Variants in CHAF1A observed in about 807,000 individuals in gnomAD.
CHAF1A encodes the protein chromatin assembly factor 1 subunit A, also known as CAF-1 subunit A.
Under a neutral mutation model 93.2 loss-of-function variants are expected in CHAF1A, and 5 were observed. That is an observed-to-expected ratio of 0.05 (90% confidence interval 0.03 to 0.11). The LOEUF (loss-of-function observed/expected upper bound fraction) is 0.11. CHAF1A is among the 10% of genes least tolerant of loss of function. CHAF1A has a pLI of 1.00. For missense variants in CHAF1A, 1,102 were observed against 1,259.9 expected, an observed-to-expected ratio of 0.87 and a Z score of 1.90; for synonymous variants, 504 against 510.3, an observed-to-expected ratio of 0.99 and a Z score of 0.17.
intron 3 of CHAF1A, among the ~76,000 whole-genome samples, 200 bp from the exon 4 acceptor site, chr19:4,417,820 T>G (rs1973921785): frequency 6.6e-6 from 1 of 152,188 alleles, no homozygotes; most frequent in South Asian, 2.1e-4. Context: ...TGTCCTTCAC[T>G]CATTTCTTTA....
chr19:4,430,420 C>A (rs1159740216), intron 10 of CHAF1A, 129 bp from the exon 11 acceptor site: 1 of 611,220 alleles, frequency 1.6e-6, no homozygotes, highest in Non-Finnish European at 3.0e-6. Flanking sequence ...TCAGATGATC[C>A]GCCCACCTCA....
At chr19:4,418,718 C>T (rs1399208743) in intron 4 of CHAF1A, among the ~76,000 whole-genome samples, 1 of 152,030 alleles carries the variant, frequency 6.6e-6, no homozygotes, top group Non-Finnish European at 1.5e-5. Context: ...CCTGGCCAGT[C>T]CTGTGTCTTT....
intron 2 of CHAF1A, among the ~76,000 whole-genome samples, chr19:4,407,239 A>AC (rs367659429): frequency 3.6e-5 from 4 of 111,646 alleles, no homozygotes; most frequent in Non-Finnish European, 5.8e-5. Context: ...CTCCCCCCAC[A>AC]CCCCCCCCAA....
intron 13 of CHAF1A, among the ~76,000 whole-genome samples, chr19:4,436,997 A>G (rs1974295757): frequency 6.6e-6 from 1 of 152,190 alleles, no homozygotes; most frequent in Admixed American, 6.5e-5. Flanking sequence ...TGGGTCAGAG[A>G]GGTTGGGTGG....
intron 4 of CHAF1A, among the ~76,000 whole-genome samples, chr19:4,420,024 C>T (rs778098970): frequency 6.6e-6 from 1 of 152,180 alleles, no homozygotes; most frequent in Non-Finnish European, 1.5e-5. Context: ...AGGAAATGCA[C>T]ATCAGACATC....
chr19:4,447,000 G>A (rs535216693), downstream of CHAF1A: 136 of 1,384,926 alleles, frequency 9.8e-5, no homozygotes, highest in Middle Eastern at 3.6e-4. Flanking sequence ...CCAGGGGCCC[G>A]GCTCTCGCTA....
At chr19:4,447,194 G>T, downstream of CHAF1A, 1 of 583,542 alleles carries the variant, frequency 1.7e-6, no homozygotes. Context: ...CTGATGCGAG[G>T]CTAACACCGC....
chr19:4,447,571 C>T (rs1974562117), downstream of CHAF1A: 1 of 1,613,682 alleles, frequency 6.2e-7, no homozygotes, highest in Admixed American at 1.7e-5. Flanking sequence ...TGTTCTGCAG[C>T]TTGATCTTCC....
chr19:4,445,265 T>A (rs1208380029), downstream of CHAF1A: 5 of 575,994 alleles, frequency 8.7e-6, no homozygotes, highest in South Asian at 1.0e-4. Context: ...CTTAGATTTG[T>A]TGGTGTCCCC....
Position 4,427,136 on chromosome 19 carries a change from CTTTTTTTTTTTTTTTTTTT to C in CHAF1A, c.1378-1515_1378-1497del, listed in dbSNP as rs747750687. Among the ~76,000 whole-genome samples the C allele has an allele frequency of 3.3e-3, 105 of 31,952 alleles. 5 individuals are homozygous for C. In the South Asian group the frequency reaches 0.18, roughly 54 times the overall value. The allele number at this position is 31,952 out of a possible 152,430, so 21.0% of individuals were successfully genotyped here. A position where few individuals can be genotyped will look rare whatever the true frequency, so the allele number is the denominator to read the frequency against. ...GTGATCTTTCAAAAAAAGACCCTGT[CTTTTTTTTTTTTTTTTTTT>C]TTTTTTTTTTTTGAGAAGGAGTCTT... On this transcript the variant is annotated intron_variant, in intron 7 of 14. Transcript: ENST00000301280.
intron 11 of CHAF1A, among the ~76,000 whole-genome samples, chr19:4,431,342 T>A (rs1974179544): frequency 6.6e-6 from 1 of 152,014 alleles, no homozygotes; most frequent in African/African-American, 2.4e-5. Context: ...TTGGCCAGGC[T>A]GGTCTTGAAC....
chr19:4,419,618 A>G (rs1161682959), intron 4 of CHAF1A, among the ~76,000 whole-genome samples: 2 of 151,528 alleles, frequency 1.3e-5, no homozygotes, highest in African/African-American at 2.4e-5. Flanking sequence ...TTTAGTAGAG[A>G]CAGGGTTTCG....
intron 13 of CHAF1A, among the ~76,000 whole-genome samples, chr19:4,438,050 G>A (rs1490660699): frequency 2.0e-5 from 3 of 151,942 alleles, no homozygotes; most frequent in Non-Finnish European, 4.4e-5. Flanking sequence ...ATCTTTTCTT[G>A]TTGTTAAATT....
At chr19:4,445,609 GAGGGCAGAGGGCACCTGCGGT>G, downstream of CHAF1A, 1 of 1,613,278 alleles carries the variant, frequency 6.2e-7, no homozygotes, top group African/African-American at 1.3e-5. Context: ...AGAAGGTCAG[GAGGGCAGAGGGCACCTGCGGT>G]AGGGGTAGGC....
At chr19:4,427,136 C>CTTTTTTTTTTTTTTT (rs747750687) in intron 7 of CHAF1A, among the ~76,000 whole-genome samples, 348 of 31,946 alleles carry the variant, frequency 0.011, 62 homozygotes, top group East Asian at 0.036. Flanking sequence ...AAGACCCTGT[C>CTTTTTTTTTTTTTTT]TTTTTTTTTT....
chr19:4,439,078 T>A, intron 13 of CHAF1A, among the ~76,000 whole-genome samples: 1 of 149,154 alleles, frequency 6.7e-6, no homozygotes, highest in African/African-American at 2.5e-5. Context: ...AGGCCAGGAG[T>A]TCAAGACCAG....
In CHAF1A at chr19:4,429,485, G is replaced by C; in HGVS notation, c.1652G>C (p.Arg551Thr). ...ERGKGDGVPE[R>T]RKFGRMKLLQ... Reference sequence around the variant, plus strand: ...GGGAAGGGCGACGGTGTTCCCGAGAGGAGGAAGTTTGGCAGGATGAAGCTC... The same window carrying C: ...GGGAAGGGCGACGGTGTTCCCGAGACGAGGAAGTTTGGCAGGATGAAGCTC... The change falls in exon 9 of 15, where the codon AGG (arginine) becomes ACG (threonine). Residue 551 changes from arginine (R) to threonine (T), a missense_variant. Transcript: ENST00000301280. 2 of 1,614,076 alleles carry C rather than the reference G, an allele frequency of 1.2e-6. No homozygotes were observed. Among genetic ancestry groups the C allele is most frequent in the Non-Finnish European group, 1.7e-6 (2 of 1,180,016 alleles).
Position 4,409,431 on chromosome 19 carries a change from C to T in CHAF1A, c.632C>T (p.Thr211Met), listed in dbSNP as rs769295287. The change falls in exon 3 of 15, where the codon ACG (threonine) becomes ATG (methionine). Residue 211 changes from threonine (T) to methionine (M), a missense_variant. Thr to Met is a moderately conservative substitution (Grantham distance 81). This residue lies in a region of CHAF1A where 379 missense variants were observed against 365.7 expected (regional missense o/e 1.04). Coordinates refer to ENST00000301280, the MANE Select transcript of CHAF1A (RefSeq NM_005483.3). ...TCGCCACGGAGCTGCCCGGAGCTGACGAGTGGCCCGAGAATGTGCCCCAGA... is the reference window on the plus strand; with the variant it reads ...TCGCCACGGAGCTGCCCGGAGCTGATGAGTGGCCCGAGAATGTGCCCCAGA... ...ECSPRSCPELTSGPRMCPRKE... is the reference protein window; with the variant it reads ...ECSPRSCPELMSGPRMCPRKE... 1.9e-6 allele frequency: 3 copies of T among 1,613,940 alleles called. No homozygotes were observed. The East Asian group carries it at 6.7e-5, about 36-fold the overall frequency.
chr19:4,420,241 G>A (rs940801680), intron 4 of CHAF1A, among the ~76,000 whole-genome samples: 2 of 137,552 alleles, frequency 1.5e-5, no homozygotes, highest in African/African-American at 5.4e-5. Flanking sequence ...CTGGGCAGGT[G>A]AGCGTTTTTT....
Sources: allele counts gnomAD v4.1 joint callset (sites outside exome capture counted in the v4.1 genomes callset), GRCh38; gene constraint gnomAD v4.1.1; regional missense constraint gnomAD v4.1.1; transcripts MANE v1.5; gene names NCBI Gene and HGNC (gene_info 2026-07-23, HGNC 2026-07-21).